The following NEO1 variants were observed in gnomAD, a reference collection of about 807,000 sequenced individuals.
NEO1 encodes the protein neogenin 1.
NEO1 carries 63 observed loss-of-function variants against 159.7 expected under a neutral mutation model. That is an observed-to-expected ratio of 0.39 (90% CI 0.32 to 0.49). The LOEUF (loss-of-function observed/expected upper bound fraction) is 0.49. Among genes scored for constraint, NEO1 ranks in the 20% least tolerant of loss-of-function variants. The probability of loss-of-function intolerance (pLI) is 0.85; values close to 1 mark genes in which losing one functional copy is unlikely to be tolerated. For missense variants in NEO1, 1,615 were observed against 1,831.0 expected (o/e 0.88, Z 2.15); for synonymous variants, 633 against 662.0 (o/e 0.96, Z 0.67).
intron 5 of NEO1, among the ~76,000 whole-genome samples, chr15:73,150,194 C>T (rs2033260627): frequency 6.6e-6 from 1 of 152,162 alleles, no homozygotes; most frequent in African/African-American, 2.4e-5. Flanking sequence ...GTGCCATTTT[C>T]AAAACCAAAT....
Position 73,124,352 on chromosome 15 carries a change from A to G in NEO1, c.724+1552A>G, listed in dbSNP as rs1202837031. ...TGCTGGGCTTATAGGTATGGGCCAC[A>G]GTGGCCAGCGTGAGATGTATATTAT... On this transcript the variant is annotated intron_variant, in intron 3 of 28. Transcript: ENST00000261908. 2.6e-5 allele frequency among the ~76,000 whole-genome samples: 4 copies of G among 152,112 alleles called. 1 individual carries two copies. The highest frequency in any genetic ancestry group is 2.6e-4 in the Admixed American group (4 of 15,260).
chr15:73,260,526 A>G lies in NEO1; in HGVS notation c.2398+61A>G, dbSNP rs927588886. Reference sequence around the variant, plus strand: ...GAGATTCCTTTCTTTTTAACCTTTTATGTAATATTTTTATTTTTACAAGAA... The same window carrying G: ...GAGATTCCTTTCTTTTTAACCTTTTGTGTAATATTTTTATTTTTACAAGAA... On this transcript the variant is annotated intron_variant, in intron 15 of 28. Transcript: ENST00000261908. The G allele has an allele frequency of 4.4e-6, 6 of 1,367,182 alleles. No individual in the cohort carries two copies. The Admixed American group carries it at 7.5e-5, about 17-fold the overall frequency. 84.7% of individuals were successfully genotyped at this position (1,367,182 alleles called of 1,614,324 possible). A position where few individuals can be genotyped will look rare whatever the true frequency, so the allele number is the denominator to read the frequency against.
At chr15:73,156,567 C>T (rs113158230) in intron 5 of NEO1, among the ~76,000 whole-genome samples, 2,495 of 152,270 alleles carry the variant, frequency 0.016, 38 homozygotes, top group Non-Finnish European at 0.027. Flanking sequence ...TCTTCTCATT[C>T]ACAAGTGTTG....
chr15:73,177,953 C>T (rs1056408902), intron 6 of NEO1, among the ~76,000 whole-genome samples: 2 of 152,250 alleles, frequency 1.3e-5, no homozygotes, highest in East Asian at 3.9e-4. Context: ...TATAGATAGT[C>T]TTAGGAAAAA....
At chr15:73,110,712 T>C (rs992550428) in intron 1 of NEO1, among the ~76,000 whole-genome samples, 1 of 152,184 alleles carries the variant, frequency 6.6e-6, no homozygotes, top group Non-Finnish European at 1.5e-5. Context: ...ATGTAGAAGA[T>C]ATTAGATAGG....
intron 5 of NEO1, among the ~76,000 whole-genome samples, chr15:73,136,454 T>A (rs912278287): frequency 2.0e-5 from 3 of 152,102 alleles, no homozygotes; most frequent in African/African-American, 7.2e-5. Flanking sequence ...TTTTCTTGTC[T>A]CAGGATGTTT....
At chr15:73,080,253 G>A (rs932793458) in intron 1 of NEO1, among the ~76,000 whole-genome samples, 9 of 152,138 alleles carry the variant, frequency 5.9e-5, no homozygotes, top group African/African-American at 1.9e-4. Context: ...TTGTTCTAAA[G>A]TAACTGTGAA....
At chr15:73,204,872 G>C (rs1195785735) in intron 7 of NEO1, among the ~76,000 whole-genome samples, 1 of 152,062 alleles carries the variant, frequency 6.6e-6, no homozygotes, top group Non-Finnish European at 1.5e-5. Context: ...GAGATAAATA[G>C]GCCTTTAGTG....
intron 21 of NEO1, among the ~76,000 whole-genome samples, chr15:73,275,181 C>G (rs2151057341): frequency 6.6e-6 from 1 of 152,170 alleles, no homozygotes; most frequent in Admixed American, 6.5e-5. Context: ...AGTGAATACC[C>G]TATTTTCCTC....
intron 7 of NEO1, among the ~76,000 whole-genome samples, chr15:73,184,024 G>A (rs2035772465): frequency 6.6e-6 from 1 of 152,044 alleles, no homozygotes; most frequent in Non-Finnish European, 1.5e-5. Flanking sequence ...ACTTTAATAA[G>A]CCCATCTATT....
At chr15:73,154,309 T>C (rs911794153) in intron 5 of NEO1, among the ~76,000 whole-genome samples, 1 of 152,210 alleles carries the variant, frequency 6.6e-6, no homozygotes, top group Admixed American at 6.5e-5. Context: ...TCAGGGTAAA[T>C]GGAGTATCCA....
At chr15:73,224,005 G>A (rs1230684038) in intron 7 of NEO1, among the ~76,000 whole-genome samples, 1 of 152,140 alleles carries the variant, frequency 6.6e-6, no homozygotes, top group Non-Finnish European at 1.5e-5. Context: ...GTAGTGGTGA[G>A]TTCTTTCAGC....
chr15:73,282,479 C>G (rs1475021640), intron 22 of NEO1, among the ~76,000 whole-genome samples: 2 of 152,186 alleles, frequency 1.3e-5, no homozygotes. Context: ...TTTATAAAAA[C>G]AGACTTTACT....
intron 26 of NEO1, among the ~76,000 whole-genome samples, chr15:73,297,600 A>G (rs1407799254): frequency 6.6e-6 from 1 of 152,238 alleles, no homozygotes; most frequent in Non-Finnish European, 1.5e-5. Flanking sequence ...GTCTGACTCC[A>G]GAGTCCGTGC....
Position 73,300,655 on chromosome 15 carries a change from C to T in NEO1, c.4166-666C>T, listed in dbSNP as rs140329015. On this transcript the variant is annotated intron_variant, in intron 27 of 28. Transcript: ENST00000261908. ...CTGAGGCTGGAGAATCACTTGAACC[C>T]GGGAGGTGGAGGTTGCAGTGAGCAG... Among the ~76,000 whole-genome samples, 947 of 152,206 alleles carry T rather than the reference C, an allele frequency of 6.2e-3. 10 individuals carry two copies. Among genetic ancestry groups the T allele is most frequent in the Middle Eastern group, 0.044 (13 of 294 alleles).
chr15:73,244,459 G>C lies in NEO1; in HGVS notation c.1567G>C (p.Glu523Gln). Residue 523 changes from glutamate (E) to glutamine (Q), a missense_variant, in exon 9 of 29, where the codon GAG becomes CAG. By Grantham distance (29) the Glu-to-Gln change is conservative. Coordinates refer to ENST00000261908, the MANE Select transcript of NEO1 (RefSeq NM_002499.4). ...VMAQNKHGSG[E>Q]SSAPLRVETQ... ...GGCTCAAAATAAGCATGGCTCAGGA[G>C]AGAGTTCAGCTCCACTGCGAGTAGA... 3.1e-6 allele frequency: 5 copies of C among 1,613,926 alleles called. No homozygotes were observed. Among genetic ancestry groups the C allele is most frequent in the African/African-American group, 2.7e-5 (2 of 75,046 alleles).
At chr15:73,068,393 G>A (rs1331480278) in intron 1 of NEO1, among the ~76,000 whole-genome samples, 2 of 152,008 alleles carry the variant, frequency 1.3e-5, no homozygotes, top group Admixed American at 6.5e-5. Context: ...TGTATTTTTA[G>A]TAGAGATGGG....
intron 5 of NEO1, among the ~76,000 whole-genome samples, chr15:73,171,680 C>T (rs1393125821): frequency 2.0e-5 from 3 of 150,338 alleles, no homozygotes; most frequent in South Asian, 2.1e-4. Context: ...CTTGTTCTGT[C>T]GCCCAGGCTG....
At chr15:73,086,561 CT>C (rs56017937) in intron 1 of NEO1, among the ~76,000 whole-genome samples, 92 of 128,884 alleles carry the variant, frequency 7.1e-4, no homozygotes, top group East Asian at 9.1e-4. Flanking sequence ...TATAGTATGT[CT>C]TTTTTTTTTT....
Sources: gnomAD v4.1 joint callset for allele counts (sites outside exome capture counted in the v4.1 genomes callset) on GRCh38, gnomAD v4.1.1 for gene constraint, MANE v1.5 for transcripts, NCBI Gene and HGNC (gene_info 2026-07-23, HGNC 2026-07-21) for gene names.